The following CAST variants were observed in gnomAD, a reference collection of about 807,000 sequenced individuals.
The protein encoded by CAST is MIR583 host.
In CAST, 76 loss-of-function variants were observed where a neutral mutation model predicts 119.6. The ratio of observed to expected loss-of-function variants is 0.64; its 90% CI spans 0.53 to 0.77. The LOEUF (loss-of-function observed/expected upper bound fraction) is 0.77, where lower values mean the gene tolerates loss of function less well. Among genes scored for constraint, CAST ranks in the 30% least tolerant of loss-of-function variants. The pLI is 0.00. For missense variants in CAST, 953 were observed against 946.5 expected, an observed-to-expected ratio of 1.01 and a Z score of -0.09; for synonymous variants, 319 against 331.6, an observed-to-expected ratio of 0.96 and a Z score of 0.41.
intron 11 of CAST, among the ~76,000 whole-genome samples, chr5:96,738,176 GC>G (rs1762017048): frequency 6.6e-6 from 1 of 152,034 alleles, no homozygotes; most frequent in African/African-American, 2.4e-5. Flanking sequence ...ACAAAAATTA[GC>G]TGGGCATGGT....
At chr5:96,413,846 G>A in the CAST span, among the ~76,000 whole-genome samples, 1 of 148,574 alleles carries the variant, frequency 6.7e-6, no homozygotes, top group African/African-American at 2.5e-5. Flanking sequence ...TCGGCCAGGT[G>A]CGGTGGCTCA....
rs1015769487 is a variant in CAST at position 96,772,871 on chromosome 5, G to A, written c.*255G>A. ...TTTTTTTAATTGCCTTCAATTGGGA[G>A]AGAAAGCTTTATATTTGTAAGAAAT... On this transcript the variant is annotated 3_prime_UTR_variant, in exon 32 of 32. Transcript: ENST00000675179. The A allele has an allele frequency of 1.3e-5, 2 of 153,292 alleles. No individual in the cohort carries two copies. The highest frequency in any genetic ancestry group is 2.4e-5 in the African/African-American group (1 of 41,424). The allele number at this position is 153,292 out of a possible 1,614,324, so 9.5% of individuals were successfully genotyped here. A position where few individuals can be genotyped will look rare whatever the true frequency, so the allele number is the denominator to read the frequency against.
At chr5:96,438,576 G>C in the CAST span, among the ~76,000 whole-genome samples, 1 of 152,028 alleles carries the variant, frequency 6.6e-6, no homozygotes, top group Non-Finnish European at 1.5e-5. Context: ...ATTTTGGTTT[G>C]TCTGGTGTTT....
intron 1 of CAST, among the ~76,000 whole-genome samples, chr5:96,617,589 A>G (rs1219155684): frequency 6.6e-6 from 1 of 151,836 alleles, no homozygotes. Flanking sequence ...GGAGATCGAG[A>G]CCATCCTGGC....
chr5:96,002,160 G>A, the CAST span, among the ~76,000 whole-genome samples: 43 of 152,332 alleles, frequency 2.8e-4, no homozygotes, highest in Admixed American at 9.1e-4. Context: ...GTACTTATAT[G>A]AGCTTTAATT....
At chr5:96,087,014 G>A in the CAST span, among the ~76,000 whole-genome samples, 1 of 152,208 alleles carries the variant, frequency 6.6e-6, no homozygotes, top group Non-Finnish European at 1.5e-5. Flanking sequence ...TAAAGGGCAT[G>A]CAGACAAAAG....
At chr5:96,614,232 A>G (rs1389487514) in intron 1 of CAST, among the ~76,000 whole-genome samples, 2 of 152,180 alleles carry the variant, frequency 1.3e-5, no homozygotes, top group Non-Finnish European at 2.9e-5. Flanking sequence ...GTCTCAAATG[A>G]TTCCATTTCC....
chr5:96,173,312 C>T, the CAST span, among the ~76,000 whole-genome samples: 1 of 152,180 alleles, frequency 6.6e-6, no homozygotes, highest in Admixed American at 6.5e-5. Context: ...ATATTATTTG[C>T]AGTTGTGAGA....
intron 6 of CAST, chr5:96,728,950 C>G: frequency 3.9e-6 from 2 of 515,860 alleles, no homozygotes; most frequent in Non-Finnish European, 7.0e-6. Context: ...AATCACCATT[C>G]TCAGAGACTG....
upstream of CAST, among the ~76,000 whole-genome samples, chr5:96,660,323 A>T (rs556335874): frequency 6.6e-6 from 1 of 152,020 alleles, no homozygotes; most frequent in East Asian, 1.9e-4. Context: ...GTACTTACTC[A>T]CACACTGTTA....
the CAST span, among the ~76,000 whole-genome samples, chr5:96,103,790 T>G: frequency 3.5e-3 from 525 of 152,022 alleles, 2 homozygotes; most frequent in African/African-American, 4.5e-3. Context: ...ACTTCCACAA[T>G]GGTTGAACTA....
the CAST span, among the ~76,000 whole-genome samples, chr5:96,222,629 T>C: frequency 1.3e-5 from 2 of 152,152 alleles, no homozygotes; most frequent in Middle Eastern, 6.8e-3. Flanking sequence ...GGTCAGGATG[T>C]GGAGAAAAAT....
chr5:96,325,761 T>G, the CAST span, among the ~76,000 whole-genome samples: 1 of 152,196 alleles, frequency 6.6e-6, no homozygotes, highest in African/African-American at 2.4e-5. Context: ...ATTACAGATG[T>G]GAGCCACCGC....
At chr5:96,607,540 T>C (rs1432779078) in intron 1 of CAST, among the ~76,000 whole-genome samples, 3 of 151,476 alleles carry the variant, frequency 2.0e-5, no homozygotes, top group African/African-American at 7.3e-5. Context: ...CCAAGACATT[T>C]AAAATTACCT....
chr5:96,273,206 T>A, the CAST span, among the ~76,000 whole-genome samples: 1 of 152,206 alleles, frequency 6.6e-6, no homozygotes, highest in Admixed American at 6.5e-5. Flanking sequence ...TGAGCTATTG[T>A]TTAAGATAAC....
chr5:96,212,094 A>AT, the CAST span, among the ~76,000 whole-genome samples: 8 of 151,672 alleles, frequency 5.3e-5, no homozygotes, highest in Middle Eastern at 3.4e-3. Flanking sequence ...AGTTTTATTG[A>AT]TTTTTTGTAT....
chr5:95,966,319 G>C, the CAST span, among the ~76,000 whole-genome samples: 1 of 152,156 alleles, frequency 6.6e-6, no homozygotes, highest in Non-Finnish European at 1.5e-5. Flanking sequence ...TTTTCTGAAA[G>C]GAATCGCTTA....
the CAST span, among the ~76,000 whole-genome samples, chr5:96,090,334 C>T: frequency 6.6e-6 from 1 of 152,094 alleles, no homozygotes; most frequent in Non-Finnish European, 1.5e-5. Flanking sequence ...TACCACAAAG[C>T]AAATAAACAA....
intron 1 of CAST, among the ~76,000 whole-genome samples, chr5:96,650,362 T>C (rs1370974640): frequency 6.6e-6 from 1 of 152,196 alleles, no homozygotes; most frequent in Non-Finnish European, 1.5e-5. Flanking sequence ...GGAAGCAAGC[T>C]GCTTTGGGGA....
Sources: gnomAD v4.1 joint callset for allele counts (sites outside exome capture counted in the v4.1 genomes callset) on GRCh38, gnomAD v4.1.1 for gene constraint, MANE v1.5 for transcripts, NCBI Gene and HGNC (gene_info 2026-07-23, HGNC 2026-07-21) for gene names.